The following ESRRG variants were observed in gnomAD, a reference collection of about 807,000 sequenced individuals.
The protein encoded by ESRRG is estrogen-related receptor gamma.
In ESRRG, 13 loss-of-function variants were observed where a neutral mutation model predicts 44.0. The ratio of observed to expected loss-of-function variants is 0.30; its 90% CI spans 0.19 to 0.47. ESRRG has a LOEUF of 0.47. Ranked by LOEUF, ESRRG falls within the 20% of genes least tolerant of loss-of-function variation. The probability of loss-of-function intolerance (pLI) is 1.00; values close to 1 mark genes in which losing one functional copy is unlikely to be tolerated. For synonymous variants in ESRRG, 215 were observed against 214.6 expected, an observed-to-expected ratio of 1.00 and a Z score of -0.02; for missense variants, 395 against 580.6, an observed-to-expected ratio of 0.68 and a Z score of 3.29.
At chr1:216,996,385 T>C (rs1012868710) in intron 1 of ESRRG, among the ~76,000 whole-genome samples, 1 of 150,196 alleles carries the variant, frequency 6.7e-6, no homozygotes, top group Non-Finnish European at 1.5e-5. Flanking sequence ...GGTAAGGGGA[T>C]GAGAGGAGGA....
chr1:216,551,245 C>G (rs1255322543), intron 5 of ESRRG, among the ~76,000 whole-genome samples: 1 of 152,116 alleles, frequency 6.6e-6, no homozygotes, highest in African/African-American at 2.4e-5. Context: ...ATAGTAGGCT[C>G]TTAATATATA....
intron 2 of ESRRG, among the ~76,000 whole-genome samples, chr1:216,816,122 T>C (rs559709648): frequency 2.0e-5 from 3 of 152,292 alleles, no homozygotes; most frequent in South Asian, 4.1e-4. Flanking sequence ...ACTACCAGCA[T>C]TCATCGTGGG....
intron 1 of ESRRG, among the ~76,000 whole-genome samples, chr1:216,991,660 ATGG>A: frequency 8.0e-6 from 1 of 124,326 alleles, no homozygotes; most frequent in Non-Finnish European, 1.7e-5. Context: ...ATGGGATGGG[ATGG>A]GATGGGATGG....
At chr1:216,870,870 A>G (rs1430127567) in intron 2 of ESRRG, among the ~76,000 whole-genome samples, 1 of 151,482 alleles carries the variant, frequency 6.6e-6, no homozygotes, top group Non-Finnish European at 1.5e-5. Flanking sequence ...CAATTTGTGT[A>G]TTTCATTTTT....
intron 1 of ESRRG, among the ~76,000 whole-genome samples, chr1:216,976,819 A>G (rs2073018450): frequency 6.6e-6 from 1 of 152,166 alleles, no homozygotes; most frequent in South Asian, 2.1e-4. Context: ...GTTTTCATAA[A>G]GAAGGAAAAA....
At chr1:216,913,848 A>G (rs2060800757) in intron 2 of ESRRG, among the ~76,000 whole-genome samples, 1 of 152,202 alleles carries the variant, frequency 6.6e-6, no homozygotes, top group Non-Finnish European at 1.5e-5. Context: ...CATTATAATT[A>G]CAGCAGTAGT....
intron 1 of ESRRG, among the ~76,000 whole-genome samples, chr1:217,088,047 C>T (rs1170834637): frequency 7.0e-6 from 1 of 143,492 alleles, no homozygotes; most frequent in African/African-American, 2.5e-5. Flanking sequence ...ATCTGCTGGA[C>T]AGGAAAAAAA....
chr1:216,764,967 G>T (rs76050615), intron 2 of ESRRG, among the ~76,000 whole-genome samples: 4 of 151,988 alleles, frequency 2.6e-5, no homozygotes, highest in African/African-American at 9.7e-5. Flanking sequence ...TCAGGGAAGC[G>T]GTGACACTCG....
intron 6 of ESRRG, among the ~76,000 whole-genome samples, chr1:216,512,318 C>A (rs958017406): frequency 6.6e-6 from 1 of 152,142 alleles, no homozygotes; most frequent in African/African-American, 2.4e-5. Flanking sequence ...ACATGATGAA[C>A]TTCTCCAAGA....
chr1:216,712,952 G>T (rs908639415), intron 1 of ESRRG, among the ~76,000 whole-genome samples: 7 of 152,168 alleles, frequency 4.6e-5, no homozygotes, highest in Non-Finnish European at 8.8e-5. Flanking sequence ...ACTGAACAAA[G>T]GGCTATTTAA....
At chr1:216,744,826 T>C (rs12120908) in intron 2 of ESRRG, among the ~76,000 whole-genome samples, 10,759 of 152,252 alleles carry the variant, frequency 0.071, 460 homozygotes, top group South Asian at 0.11. Flanking sequence ...TTTTCTCAAG[T>C]ACCCGTTCAT....
intron 1 of ESRRG, among the ~76,000 whole-genome samples, chr1:217,074,162 C>T (rs1231115918): frequency 6.6e-6 from 1 of 151,816 alleles, no homozygotes; most frequent in East Asian, 1.9e-4. Flanking sequence ...ATTCTCCTGC[C>T]TCAGCCTCCC....
intron 2 of ESRRG, among the ~76,000 whole-genome samples, chr1:216,774,335 C>T (rs1043737171): frequency 2.6e-5 from 4 of 152,162 alleles, no homozygotes; most frequent in Non-Finnish European, 4.4e-5. Context: ...CACAGTTTAG[C>T]CTGTATTAGA....
At chr1:216,520,791 C>A (rs762605472) in intron 5 of ESRRG, among the ~76,000 whole-genome samples, 1 of 152,116 alleles carries the variant, frequency 6.6e-6, no homozygotes, top group Non-Finnish European at 1.5e-5. Flanking sequence ...ATTTTTACTC[C>A]CTTTCTAGAC....
At chr1:216,998,849 C>T (rs2076681239) in intron 1 of ESRRG, among the ~76,000 whole-genome samples, 1 of 152,162 alleles carries the variant, frequency 6.6e-6, no homozygotes, top group Non-Finnish European at 1.5e-5. Context: ...TTATAAATGG[C>T]CATTGAGAGC....
chr1:216,780,239 A>C (rs2093880050), intron 2 of ESRRG, among the ~76,000 whole-genome samples: 1 of 151,972 alleles, frequency 6.6e-6, no homozygotes, highest in Non-Finnish European at 1.5e-5. Context: ...AAGCTTAACA[A>C]ATGTAATTTA....
intron 5 of ESRRG, among the ~76,000 whole-genome samples, chr1:216,530,109 C>CAA (rs34108833): frequency 0.02 from 1,280 of 62,648 alleles, 34 homozygotes; most frequent in African/African-American, 0.059. Flanking sequence ...GAGACTCCAT[C>CAA]AAAAAAAAAA....
At chr1:216,901,692 A>G (rs573697274) in intron 2 of ESRRG, among the ~76,000 whole-genome samples, 1 of 152,134 alleles carries the variant, frequency 6.6e-6, no homozygotes, top group South Asian at 2.1e-4. Context: ...TCTAATGTTT[A>G]CCTGCATTCT....
At chr1:217,012,858 G>A (rs1278277630) in intron 1 of ESRRG, among the ~76,000 whole-genome samples, 1 of 152,162 alleles carries the variant, frequency 6.6e-6, no homozygotes, top group African/African-American at 2.4e-5. Flanking sequence ...CAAACTGAGT[G>A]GCTTAAACCA....
Sources: allele counts gnomAD v4.1 joint callset (sites outside exome capture counted in the v4.1 genomes callset), GRCh38; gene constraint gnomAD v4.1.1; transcripts MANE v1.5; gene names NCBI Gene and HGNC (gene_info 2026-07-23, HGNC 2026-07-21).